The following KCNT2 variants were observed in gnomAD, a reference collection of about 807,000 sequenced individuals.
KCNT2 encodes the protein potassium channel subfamily T member 2.
A neutral mutation model predicts 153.8 loss-of-function variants in KCNT2; 67 were observed. The ratio of observed to expected loss-of-function variants is 0.44; its 90% CI spans 0.36 to 0.53. KCNT2 has a LOEUF of 0.53. KCNT2 is among the 20% of genes least tolerant of loss of function. The pLI is 0.00. For synonymous variants in KCNT2, 500 were observed against 458.8 expected (o/e 1.09, Z -1.15); for missense variants, 975 against 1,354.8 (o/e 0.72, Z 4.40).
intron 8 of KCNT2, among the ~76,000 whole-genome samples, chr1:196,456,521 T>G (rs1240187183): frequency 6.6e-6 from 1 of 152,010 alleles, no homozygotes; most frequent in East Asian, 1.9e-4. Context: ...TGCTTCCAGA[T>G]TTTGTCTTCT....
chr1:196,479,306 C>A, intron 4 of KCNT2, 68 bp from the exon 5 acceptor site: 1 of 899,564 alleles, frequency 1.1e-6, no homozygotes, highest in Non-Finnish European at 1.8e-6. Context: ...CTTGGCTATA[C>A]TACTAACTTT....
At chr1:196,537,027 G>A (rs949733369) in intron 1 of KCNT2, among the ~76,000 whole-genome samples, 14 of 152,138 alleles carry the variant, frequency 9.2e-5, no homozygotes, top group South Asian at 2.1e-4. Flanking sequence ...ATGCACTGCC[G>A]TAGGCCTCAG....
intron 26 of KCNT2, among the ~76,000 whole-genome samples, chr1:196,249,738 G>A (rs970022053): frequency 6.6e-6 from 1 of 151,346 alleles, no homozygotes; most frequent in Non-Finnish European, 1.5e-5. Flanking sequence ...TCATGCCACT[G>A]CACTCCAGCC....
In KCNT2 at chr1:196,608,283, G is replaced by C; in HGVS notation, c.27C>G (p.Pro9=). Residue 9 remains proline, a synonymous_variant, in exon 1 of 28, where the codon CCC becomes CCG. Coordinates refer to ENST00000294725, the MANE Select transcript of KCNT2 (RefSeq NM_198503.5). ...GAAACCTGTACCTGGGAGGCAGAGG[G>C]GGCACTTCGCTCTCCAAATCAACCA... MVDLESEV[P]PLPPRYRFRD... The C allele has an allele frequency of 2.5e-6, 4 of 1,614,078 alleles. No homozygotes were observed. The highest frequency in any genetic ancestry group is 1.1e-5 in the South Asian group (1 of 91,084).
At chr1:196,408,549 T>C (rs1293749009) in intron 12 of KCNT2, among the ~76,000 whole-genome samples, 1 of 151,678 alleles carries the variant, frequency 6.6e-6, no homozygotes, top group East Asian at 1.9e-4. Context: ...TTTAAAGATA[T>C]AAATTTCTCT....
intron 16 of KCNT2, among the ~76,000 whole-genome samples, chr1:196,335,636 C>T: frequency 6.6e-6 from 1 of 152,322 alleles, no homozygotes; most frequent in Admixed American, 6.5e-5. Flanking sequence ...CCTCAAACCT[C>T]TGGCCTTCCA....
intron 14 of KCNT2, among the ~76,000 whole-genome samples, chr1:196,349,350 A>T (rs77533711): frequency 0.017 from 2,603 of 152,216 alleles, 31 homozygotes; most frequent in Middle Eastern, 0.041. Flanking sequence ...CTCCATTTAA[A>T]TCCAACCCAG....
chr1:196,536,141 C>T (rs371343640), intron 1 of KCNT2, among the ~76,000 whole-genome samples: 5 of 152,320 alleles, frequency 3.3e-5, no homozygotes, highest in Admixed American at 1.3e-4. Flanking sequence ...CTGCTTTATA[C>T]ATTAAGTCAG....
chr1:196,424,936 C>T (rs1235966374), intron 11 of KCNT2, among the ~76,000 whole-genome samples: 2 of 151,160 alleles, frequency 1.3e-5, no homozygotes, highest in Non-Finnish European at 3.0e-5. Flanking sequence ...TACACACCCG[C>T]TCATGCACAC....
At chr1:196,247,549 G>C (rs1004687543) in intron 26 of KCNT2, among the ~76,000 whole-genome samples, 2 of 152,174 alleles carry the variant, frequency 1.3e-5, no homozygotes, top group Non-Finnish European at 2.9e-5. Flanking sequence ...TGGCTGGGAA[G>C]GCCTCAGGAA....
At chr1:196,308,362 A>T (rs1348921151) in intron 21 of KCNT2, among the ~76,000 whole-genome samples, 2 of 152,014 alleles carry the variant, frequency 1.3e-5, no homozygotes, top group Middle Eastern at 3.4e-3. Context: ...CAGTGTCTTT[A>T]GATGTGTACT....
intron 21 of KCNT2, among the ~76,000 whole-genome samples, chr1:196,308,400 A>C (rs1157528791): frequency 6.6e-6 from 1 of 151,958 alleles, no homozygotes; most frequent in Non-Finnish European, 1.5e-5. Context: ...GAGGAGAGAT[A>C]AGCCCTCTAG....
chr1:196,599,555 C>G (rs1455637968), intron 1 of KCNT2, among the ~76,000 whole-genome samples: 1 of 152,118 alleles, frequency 6.6e-6, no homozygotes, highest in Non-Finnish European at 1.5e-5. Context: ...TGATTCTCAC[C>G]CTTTAAAGCC....
At chr1:196,579,809 AAG>A (rs1309394470) in intron 1 of KCNT2, among the ~76,000 whole-genome samples, 4 of 151,028 alleles carry the variant, frequency 2.6e-5, no homozygotes, top group African/African-American at 9.8e-5. Flanking sequence ...AATTTTTAAA[AAG>A]ACCTACACTA....
Position 196,377,262 on chromosome 1 carries a change from G to A in KCNT2, c.1295-4014C>T, listed in dbSNP as rs1669049131. ...GGGCATAAACATCATCAGATAGTAT[G>A]ACCAAGCAGTGTTGGAGAGAGTGAC... On this transcript the variant is annotated intron_variant, in intron 13 of 27. Coordinates refer to ENST00000294725, the MANE Select transcript of KCNT2 (RefSeq NM_198503.5). Among the ~76,000 whole-genome samples, 2 of 151,936 alleles carry A rather than the reference G, an allele frequency of 1.3e-5. 1 individual carries two copies. Among genetic ancestry groups the A allele is most frequent in the South Asian group, 4.1e-4 (2 of 4,826 alleles).
At chr1:196,318,001 T>A (rs998439221) in intron 20 of KCNT2, among the ~76,000 whole-genome samples, 11 of 151,714 alleles carry the variant, frequency 7.3e-5, no homozygotes, top group African/African-American at 2.2e-4. Flanking sequence ...CATTTATTTT[T>A]TTTTTTTAAG....
intron 16 of KCNT2, among the ~76,000 whole-genome samples, chr1:196,336,196 T>C (rs929552311): frequency 6.6e-6 from 1 of 152,106 alleles, no homozygotes; most frequent in African/African-American, 2.4e-5. Flanking sequence ...CATTCCAGAC[T>C]CAACTCCTTG....
intron 8 of KCNT2, among the ~76,000 whole-genome samples, chr1:196,430,672 A>T (rs1029734297): frequency 6.6e-5 from 10 of 152,096 alleles, no homozygotes; most frequent in Admixed American, 6.6e-4. Flanking sequence ...AAATGAATCA[A>T]TCATTTGTGC....
chr1:196,489,992 TA>T, intron 2 of KCNT2, 55 bp from the exon 3 acceptor site: 1 of 765,820 alleles, frequency 1.3e-6, no homozygotes, highest in Non-Finnish European at 2.1e-6. Context: ...CACAAAAGAC[TA>T]AAAAGAATTG....
Sources: allele counts gnomAD v4.1 joint callset (sites outside exome capture counted in the v4.1 genomes callset), GRCh38; gene constraint gnomAD v4.1.1; transcripts MANE v1.5; gene names NCBI Gene and HGNC (gene_info 2026-07-23, HGNC 2026-07-21).